The following ERBB4 variants were observed in gnomAD, a reference collection of about 807,000 sequenced individuals.
ERBB4 encodes the protein receptor tyrosine-protein kinase erbB-4.
Under a neutral mutation model 158.0 loss-of-function variants are expected in ERBB4, and 42 were observed. The observed-to-expected ratio is 0.27, with a 90% CI of 0.21 to 0.34. The LOEUF (loss-of-function observed/expected upper bound fraction) is 0.34, where lower values mean the gene tolerates loss of function less well. Among genes scored for constraint, ERBB4 ranks in the 10% least tolerant of loss-of-function variants. ERBB4 has a pLI of 1.00. For synonymous variants in ERBB4, 583 were observed against 558.7 expected (o/e 1.04, Z -0.61); for missense variants, 1,333 against 1,624.1 (o/e 0.82, Z 3.08).
intron 1 of ERBB4, among the ~76,000 whole-genome samples, chr2:212,140,428 A>G (rs1195539787): frequency 6.8e-6 from 1 of 147,478 alleles, no homozygotes; most frequent in Non-Finnish European, 1.5e-5. Flanking sequence ...TATGTTATAT[A>G]TATATACATA....
At chr2:211,574,202 A>C (rs1278059630) in intron 19 of ERBB4, among the ~76,000 whole-genome samples, 1 of 152,214 alleles carries the variant, frequency 6.6e-6, no homozygotes, top group Non-Finnish European at 1.5e-5. Context: ...GGGGACATTA[A>C]GCATGCAAGA....
At chr2:212,115,566 GAAGTA>G (rs1476319001) in intron 2 of ERBB4, among the ~76,000 whole-genome samples, 3 of 152,050 alleles carry the variant, frequency 2.0e-5, no homozygotes, top group Non-Finnish European at 2.9e-5. Context: ...CCAAATAAAA[GAAGTA>G]AAGAAATAAC....
chr2:211,413,347 C>CATTG (rs1024492247), intron 25 of ERBB4, among the ~76,000 whole-genome samples: 16 of 116,754 alleles, frequency 1.4e-4, no homozygotes, highest in Middle Eastern at 4.6e-3. Flanking sequence ...CACACACACA[C>CATTG]ATTGATAAAA....
intron 1 of ERBB4, among the ~76,000 whole-genome samples, chr2:212,247,990 T>C (rs2084375824): frequency 1.3e-5 from 2 of 152,152 alleles, no homozygotes; most frequent in Non-Finnish European, 2.9e-5. Context: ...TAAAAATTAA[T>C]GGTGTTTTAA....
At chr2:211,827,730 T>C (rs1259525387) in intron 3 of ERBB4, among the ~76,000 whole-genome samples, 1 of 152,112 alleles carries the variant, frequency 6.6e-6, no homozygotes, top group Non-Finnish European at 1.5e-5. Flanking sequence ...CTAGACTTTA[T>C]ATGTATATAT....
intron 7 of ERBB4, among the ~76,000 whole-genome samples, chr2:211,716,492 C>T (rs1157801681): frequency 1.3e-5 from 2 of 150,588 alleles, no homozygotes; most frequent in Non-Finnish European, 2.9e-5. Context: ...CCGGCTAACA[C>T]GGTGAAACCC....
At chr2:212,111,028 A>G (rs1238592955) in intron 2 of ERBB4, among the ~76,000 whole-genome samples, 2 of 152,134 alleles carry the variant, frequency 1.3e-5, no homozygotes, top group South Asian at 4.1e-4. Context: ...CACATTTCCA[A>G]TGAGGGGCTC....
intron 22 of ERBB4, among the ~76,000 whole-genome samples, chr2:211,425,051 T>G (rs1047378547): frequency 6.6e-6 from 1 of 152,164 alleles, no homozygotes; most frequent in African/African-American, 2.4e-5. Context: ...ATAATGATGG[T>G]TCTGATTTGA....
chr2:212,344,658 C>A (rs941787700), intron 1 of ERBB4, among the ~76,000 whole-genome samples: 1 of 152,076 alleles, frequency 6.6e-6, no homozygotes, highest in Non-Finnish European at 1.5e-5. Context: ...ATAGAAACCA[C>A]ACCTTATTTC....
intron 1 of ERBB4, among the ~76,000 whole-genome samples, chr2:212,456,910 A>T (rs189676607): frequency 1.6e-4 from 25 of 152,022 alleles, no homozygotes; most frequent in Non-Finnish European, 1.3e-4. Flanking sequence ...TCTCCCCTAA[A>T]TATTCCATAT....
chr2:212,385,685 T>C (rs748691990), intron 1 of ERBB4, among the ~76,000 whole-genome samples: 2 of 151,880 alleles, frequency 1.3e-5, no homozygotes, highest in Non-Finnish European at 2.9e-5. Context: ...AAAGTAGTTA[T>C]GTGGGTCTTT....
At chr2:211,780,317 T>C (rs1194781435) in intron 4 of ERBB4, among the ~76,000 whole-genome samples, 4 of 152,192 alleles carry the variant, frequency 2.6e-5, no homozygotes, top group East Asian at 1.9e-4. Context: ...TGAGCTGTGA[T>C]TGCACCACTG....
At chr2:211,647,478 C>T (rs534287915) in intron 16 of ERBB4, among the ~76,000 whole-genome samples, 96 of 151,534 alleles carry the variant, frequency 6.3e-4, no homozygotes, top group Non-Finnish European at 1.1e-3. Context: ...TCAACACATC[C>T]GAAACTAAAC....
chr2:212,318,423 G>T (rs114012479), intron 1 of ERBB4, among the ~76,000 whole-genome samples: 1 of 151,318 alleles, frequency 6.6e-6, no homozygotes, highest in African/African-American at 2.4e-5. Context: ...TTATGTCTTT[G>T]ATTTCTTTCC....
intron 20 of ERBB4, among the ~76,000 whole-genome samples, chr2:211,483,160 C>T (rs1027315096): frequency 4.6e-5 from 7 of 151,566 alleles, no homozygotes; most frequent in Middle Eastern, 3.2e-3. Flanking sequence ...AAATAGGAAC[C>T]ATCAAAATAA....
At chr2:211,499,848 G>GT (rs1247678014) in intron 20 of ERBB4, among the ~76,000 whole-genome samples, 12 of 151,502 alleles carry the variant, frequency 7.9e-5, no homozygotes, top group East Asian at 3.9e-4. Flanking sequence ...TTTGAGAAAA[G>GT]TTTTTTTTTG....
chr2:212,465,748 G>A (rs1230691771), intron 1 of ERBB4, among the ~76,000 whole-genome samples: 1 of 152,146 alleles, frequency 6.6e-6, no homozygotes, highest in Non-Finnish European at 1.5e-5. Flanking sequence ...TATACCTAAA[G>A]TAGTCATCCC....
chr2:211,657,985 G>A (rs752298470), intron 15 of ERBB4, 157 bp from the exon 16 acceptor site: 1 of 1,600,730 alleles, frequency 6.2e-7, no homozygotes, highest in South Asian at 1.1e-5. Context: ...CAATACTTGA[G>A]CCTATGCACC....
intron 1 of ERBB4, among the ~76,000 whole-genome samples, chr2:212,252,011 G>T (rs1378347282): frequency 6.6e-6 from 1 of 151,976 alleles, no homozygotes; most frequent in East Asian, 1.9e-4. Context: ...GACAATGGAG[G>T]TGTTGAAATG....
Sources: gnomAD v4.1 joint callset for allele counts (sites outside exome capture counted in the v4.1 genomes callset) on GRCh38, gnomAD v4.1.1 for gene constraint, MANE v1.5 for transcripts, NCBI Gene and HGNC (gene_info 2026-07-23, HGNC 2026-07-21) for gene names.